Variants in OXNAD1 observed in about 807,000 individuals in gnomAD.
The protein encoded by OXNAD1 is oxidoreductase NAD-binding domain-containing protein 1.
In OXNAD1, 34 loss-of-function variants were observed where a neutral mutation model predicts 32.9. That is an observed-to-expected ratio of 1.03 (90% CI 0.79 to 1.38). The LOEUF (loss-of-function observed/expected upper bound fraction) is 1.38, where lower values mean the gene tolerates loss of function less well. OXNAD1 is among the 40% of genes most tolerant of loss of function. OXNAD1 has a pLI of 0.00. For missense variants in OXNAD1, 407 were observed against 379.4 expected (o/e 1.07, Z -0.60); for synonymous variants, 134 against 135.2 (o/e 0.99, Z 0.06).
downstream of OXNAD1, among the ~76,000 whole-genome samples, chr3:16,341,862 C>A (rs1347014262): frequency 6.6e-6 from 1 of 152,036 alleles, no homozygotes; most frequent in Non-Finnish European, 1.5e-5. The surrounding 1 kb of genome is among the most constrained non-coding windows in gnomAD (Gnocchi z 4.7). Flanking sequence ...AGTATGATAC[C>A]ATTTTTGTAA....
Position 16,302,857 on chromosome 3 carries a change from A to G in OXNAD1, c.784+109A>G. The G allele has an allele frequency of 1.2e-6, 1 of 818,900 alleles. No individual in the cohort carries two copies. The highest frequency in any genetic ancestry group is 2.0e-6 in the Non-Finnish European group (1 of 496,600). The allele number at this position is 818,900 out of a possible 1,614,324, so 50.7% of individuals were successfully genotyped here. A position where few individuals can be genotyped will look rare whatever the true frequency, so the allele number is the denominator to read the frequency against. ...TTGGAAGCTGCTGGCTGGGAATGTC[A>G]CTATCTGGGGAATTGGGATGATTCC... On this transcript the variant is annotated intron_variant, in intron 8 of 8. Transcript: ENST00000285083. The surrounding 1 kb of genome is among the most constrained non-coding windows in gnomAD (Gnocchi z 4.2).
At chr3:16,347,083 C>A (rs574412912) in intron 9 of OXNAD1, among the ~76,000 whole-genome samples, 2 of 152,166 alleles carry the variant, frequency 1.3e-5, no homozygotes, top group Non-Finnish European at 2.9e-5. Context: ...CTTCTGTTGG[C>A]CTTTCCCCCA....
downstream of OXNAD1, among the ~76,000 whole-genome samples, chr3:16,310,871 T>C (rs558578990): frequency 2.0e-5 from 3 of 151,476 alleles, no homozygotes; most frequent in South Asian, 6.3e-4. Context: ...ATGCCTGTAA[T>C]CCCAGCTACT....
At chr3:16,318,457 G>A (rs772676825) in intron 9 of OXNAD1, among the ~76,000 whole-genome samples, 1 of 152,208 alleles carries the variant, frequency 6.6e-6, no homozygotes, top group South Asian at 2.1e-4. Context: ...GCTTTAGTAT[G>A]TTGTAAATCA....
In OXNAD1 at chr3:16,292,909, A is replaced by G. The variant is rs143482393; in HGVS notation, c.291-1947A>G. Among the ~76,000 whole-genome samples the G allele has an allele frequency of 3.0e-4, 46 of 152,294 alleles. 4 individuals are homozygous for G. In the East Asian group the frequency reaches 7.5e-3, roughly 25 times the overall value. On this transcript the variant is annotated intron_variant, in intron 5 of 8. Transcript: ENST00000285083. ...TCTGTCCTTATGTCAGTACAACAGCATTTTCATTACTGTAGCTTTGTAGTA... is the reference window on the plus strand; with the variant it reads ...TCTGTCCTTATGTCAGTACAACAGCGTTTTCATTACTGTAGCTTTGTAGTA...
At chr3:16,308,820 C>A (rs2067752622), downstream of OXNAD1, among the ~76,000 whole-genome samples, 2 of 152,272 alleles carry the variant, frequency 1.3e-5, no homozygotes, top group Non-Finnish European at 2.9e-5. This position sits in a 1 kb window ranked among gnomAD's most constrained non-coding sequence, Gnocchi z 4.4. Flanking sequence ...TAACCTGGCC[C>A]CTTCCAGCTC....
downstream of OXNAD1, among the ~76,000 whole-genome samples, chr3:16,306,367 C>T (rs946425738): frequency 6.6e-6 from 1 of 152,016 alleles, no homozygotes; most frequent in Admixed American, 6.6e-5. Context: ...GCAATTGTAT[C>T]GTGTCACTTC....
At chr3:16,310,802 C>T (rs1475800337), downstream of OXNAD1, among the ~76,000 whole-genome samples, 1 of 151,950 alleles carries the variant, frequency 6.6e-6, no homozygotes, top group Non-Finnish European at 1.5e-5. Flanking sequence ...CCAGCCTGAC[C>T]AACATGGAGA....
chr3:16,336,652 C>G lies in OXNAD1; in HGVS notation c.*31-460C>G, dbSNP rs2070878535. Among the ~76,000 whole-genome samples the G allele has an allele frequency of 1.3e-5, 2 of 152,012 alleles. No individual in the cohort carries two copies. Among genetic ancestry groups the G allele is most frequent in the African/African-American group, 4.8e-5 (2 of 41,358 alleles). On this transcript the variant is annotated intron_variant, in intron 9 of 9. Transcript: ENST00000435829. This position sits in a 1 kb window ranked among gnomAD's most constrained non-coding sequence, Gnocchi z 6.0. ...AGACAACTTAGGCTTTCATAATGTT[C>G]AAAGAGAATAATTTTTTTTTTTTAA...
At position 16,316,851 on chromosome 3, in the gene OXNAD1, G is replaced by A. The variant is rs1553713499; in HGVS notation, c.*30+13259G>A. On this transcript the variant is annotated intron_variant, in intron 9 of 9. Transcript: ENST00000435829. The surrounding 1 kb of genome is among the most constrained non-coding windows in gnomAD (Gnocchi z 4.5). ...ACTCAGTTTTCTTCAACCGTACCAA[G>A]CTCTCTGACTTCCTCAGCATCCCCG... 1 of 1,614,092 alleles carries A rather than the reference G, an allele frequency of 6.2e-7. No homozygotes were observed. Among genetic ancestry groups the A allele is most frequent in the South Asian group, 1.1e-5 (1 of 91,088 alleles).
downstream of OXNAD1, among the ~76,000 whole-genome samples, chr3:16,308,128 A>G (rs889508713): frequency 2.0e-5 from 3 of 152,146 alleles, no homozygotes; most frequent in African/African-American, 7.2e-5. This position sits in a 1 kb window ranked among gnomAD's most constrained non-coding sequence, Gnocchi z 4.4. Flanking sequence ...TTGGGAAACT[A>G]TTTTTTTGTA....
intron 9 of OXNAD1, among the ~76,000 whole-genome samples, chr3:16,313,149 A>C (rs908448763): frequency 6.7e-6 from 1 of 148,604 alleles, no homozygotes; most frequent in Non-Finnish European, 1.5e-5. Context: ...GGGCTCAAGC[A>C]ATTCTCTCAC....
At chr3:16,282,037 A>ATT (rs779324288) in intron 4 of OXNAD1, among the ~76,000 whole-genome samples, 403 of 95,660 alleles carry the variant, frequency 4.2e-3, no homozygotes, top group African/African-American at 6.3e-3. Context: ...AATGTTTGTA[A>ATT]TTTTTTTTTT....
intron 9 of OXNAD1, chr3:16,315,687 C>G (rs549735076): frequency 2.0e-5 from 3 of 152,364 alleles, no homozygotes; most frequent in African/African-American, 7.2e-5. Flanking sequence ...CACAGCAAGC[C>G]TAGCTGGCTC....
At position 16,299,743 on chromosome 3, in the gene OXNAD1, G is replaced by A. The variant is rs2067048081; in HGVS notation, c.433-1883G>A. Among the ~76,000 whole-genome samples the A allele has an allele frequency of 6.6e-6, 1 of 152,212 alleles. No homozygotes were observed. The highest frequency in any genetic ancestry group is 1.5e-5 in the Non-Finnish European group (1 of 68,034). ...CGATGTGTTATTACTTCTTAGGAGG[G>A]CATTCATTTAGTTGATTTATGCCAG... On this transcript the variant is annotated intron_variant, in intron 6 of 8. Transcript: ENST00000285083. This position sits in a 1 kb window ranked among gnomAD's most constrained non-coding sequence, Gnocchi z 4.4.
rs112733199 is a variant in OXNAD1, at chr3:16,277,954, A to G, written c.183+6232A>G. ...ATGTCAAGGAGATAAAGATAGAAATACTGTAATGCAGTAAAGATTGTTCAG... is the reference window on the plus strand; with the variant it reads ...ATGTCAAGGAGATAAAGATAGAAATGCTGTAATGCAGTAAAGATTGTTCAG... On this transcript the variant is annotated intron_variant, in intron 4 of 8. Coordinates refer to ENST00000285083, the MANE Select transcript of OXNAD1 (RefSeq NM_138381.5). The surrounding 1 kb of genome is among the most constrained non-coding windows in gnomAD (Gnocchi z 4.3). 0.031 allele frequency among the ~76,000 whole-genome samples: 4,784 copies of G among 152,334 alleles called. 103 individuals carry two copies. Among genetic ancestry groups the G allele is most frequent in the Middle Eastern group, 0.082 (24 of 294 alleles).
At chr3:16,269,397 T>G in intron 2 of OXNAD1, 122 bp downstream of exon 2, 1 of 1,038,900 alleles carries the variant, frequency 9.6e-7, no homozygotes, top group Non-Finnish European at 1.4e-6. Flanking sequence ...CTTTTTTCAT[T>G]TAGTAAAGAG....
chr3:16,285,033 T>G (rs916876642), intron 4 of OXNAD1, among the ~76,000 whole-genome samples: 1 of 151,956 alleles, frequency 6.6e-6, no homozygotes, highest in Non-Finnish European at 1.5e-5. Context: ...GGACCAAGAG[T>G]GCAGGTAGAG....
At chr3:16,351,090 GGGTTACAGGCCAGAGTA>G (rs1454151982), downstream of OXNAD1, among the ~76,000 whole-genome samples, 3 of 152,218 alleles carry the variant, frequency 2.0e-5, no homozygotes, top group Non-Finnish European at 4.4e-5. The surrounding 1 kb of genome is among the most constrained non-coding windows in gnomAD (Gnocchi z 5.4). Flanking sequence ...TTATGAGACA[GGGTTACAGGCCAGAGTA>G]GGTTTCAGTT....
Sources: gnomAD v4.1 joint callset for allele counts (sites outside exome capture counted in the v4.1 genomes callset) on GRCh38, gnomAD v4.1.1 for gene constraint, Gnocchi (gnomAD v3.1) non-coding constraint, MANE v1.5 for transcripts, NCBI Gene and HGNC (gene_info 2026-07-23, HGNC 2026-07-21) for gene names.